Variants in KAT6B observed in about 807,000 individuals in gnomAD.
KAT6B encodes lysine acetyltransferase 6B.
KAT6B carries 10 observed loss-of-function variants against 187.5 expected under a neutral mutation model. The ratio of observed to expected loss-of-function variants is 0.05; its 90% CI spans 0.03 to 0.09. The LOEUF (loss-of-function observed/expected upper bound fraction) is 0.09. Ranked by LOEUF, KAT6B falls within the 10% of genes least tolerant of loss-of-function variation. The pLI, the probability that KAT6B is intolerant of heterozygous loss-of-function variation, is 1.00. For missense variants in KAT6B, 1,952 were observed against 2,558.9 expected (o/e 0.76, Z 5.12); for synonymous variants, 861 against 926.8 (o/e 0.93, Z 1.29).
rs542260542 is a variant in KAT6B, at chr10:74,947,770, C to T, written c.622-12200C>T. Among the ~76,000 whole-genome samples the T allele has an allele frequency of 1.4e-4, 21 of 152,280 alleles. No homozygotes were observed. The South Asian group carries it at 4.1e-3, about 30-fold the overall frequency. On this transcript the variant is annotated intron_variant, in intron 3 of 17. Transcript: ENST00000287239. Reference sequence around the variant, plus strand: ...GGAAATTAAGTTTAAAATCTTCACCCTCAGGGGAAGGCCTTGTCATGCCTG... The same window carrying T: ...GGAAATTAAGTTTAAAATCTTCACCTTCAGGGGAAGGCCTTGTCATGCCTG...
intron 3 of KAT6B, among the ~76,000 whole-genome samples, chr10:74,864,145 T>C (rs939988203): frequency 2.6e-5 from 4 of 152,176 alleles, no homozygotes; most frequent in East Asian, 3.9e-4. Context: ...CTCAGCCCAC[T>C]GCAACCTCCA....
chr10:74,941,174 C>T (rs1849643867), intron 3 of KAT6B, among the ~76,000 whole-genome samples: 1 of 152,168 alleles, frequency 6.6e-6, no homozygotes, highest in Non-Finnish European at 1.5e-5. Context: ...TGCACCCGCA[C>T]CCCCAGATCC....
intron 13 of KAT6B, among the ~76,000 whole-genome samples, chr10:74,993,670 G>A (rs1843249400): frequency 6.6e-6 from 1 of 152,106 alleles, no homozygotes; most frequent in Non-Finnish European, 1.5e-5. Flanking sequence ...TGTCCCTGGG[G>A]CCTCCTTTAA....
At chr10:74,884,296 A>C (rs549785012) in intron 3 of KAT6B, among the ~76,000 whole-genome samples, 1 of 152,348 alleles carries the variant, frequency 6.6e-6, no homozygotes, top group East Asian at 1.9e-4. Context: ...TATTAACCAG[A>C]AATTTTATCT....
In KAT6B at chr10:75,031,174, A is replaced by AT. The variant is rs963630673; in HGVS notation, c.*131dup. The AT allele has an allele frequency of 6.5e-5, 67 of 1,032,186 alleles. No homozygotes were observed. The African/African-American group carries it at 9.6e-4, about 15-fold the overall frequency. 63.9% of individuals were successfully genotyped at this position (1,032,186 alleles called of 1,614,324 possible). A position where few individuals can be genotyped will look rare whatever the true frequency, so the allele number is the denominator to read the frequency against. On this transcript the variant is annotated 3_prime_UTR_variant, in exon 18 of 18. Transcript: ENST00000287239. ...GCAAAAACATTTGTTGGCACCATTT[A>AT]TTTAAAAAAAAAAAAAGCTGTATGC...
chr10:74,894,298 T>C (rs1845841844), intron 3 of KAT6B, among the ~76,000 whole-genome samples: 1 of 152,166 alleles, frequency 6.6e-6, no homozygotes, highest in Admixed American at 6.5e-5. Context: ...ACCAGGCTGG[T>C]CTCGAACTCC....
At chr10:74,849,294 A>G (rs1010157340) in intron 3 of KAT6B, among the ~76,000 whole-genome samples, 4 of 131,094 alleles carry the variant, frequency 3.1e-5, no homozygotes, top group African/African-American at 1.6e-4. Flanking sequence ...TGGCCTAACT[A>G]ATGACTTTTT....
chr10:74,848,267 A>G (rs1842245064), intron 3 of KAT6B, among the ~76,000 whole-genome samples: 1 of 152,286 alleles, frequency 6.6e-6, no homozygotes, highest in East Asian at 1.9e-4. Flanking sequence ...TGTCCAACCC[A>G]TGGCCCATGG....
chr10:74,882,446 A>G (rs1366252918), intron 3 of KAT6B, among the ~76,000 whole-genome samples: 1 of 152,240 alleles, frequency 6.6e-6, no homozygotes, highest in Non-Finnish European at 1.5e-5. Context: ...GAAATGTGAC[A>G]TTTGGACATA....
At chr10:74,871,922 G>A (rs1844016453) in intron 3 of KAT6B, among the ~76,000 whole-genome samples, 1 of 152,106 alleles carries the variant, frequency 6.6e-6, no homozygotes. Flanking sequence ...TGTTTAATAA[G>A]GATAACAACC....
chr10:74,899,248 A>AATTATTATTATT (rs67324777), intron 3 of KAT6B, among the ~76,000 whole-genome samples: 1,817 of 142,298 alleles, frequency 0.013, 28 homozygotes, highest in Middle Eastern at 0.036. Context: ...ATTCTAAATG[A>AATTATTATTATT]ATTATTATTA....
intron 3 of KAT6B, among the ~76,000 whole-genome samples, chr10:74,949,462 C>CCACA (rs535312080): frequency 1.0e-3 from 159 of 152,246 alleles, no homozygotes; most frequent in African/African-American, 3.7e-3. Context: ...AAAACACACA[C>CCACA]CACACAAATG....
At chr10:74,850,127 A>T (rs958021051) in intron 3 of KAT6B, among the ~76,000 whole-genome samples, 3 of 151,968 alleles carry the variant, frequency 2.0e-5, no homozygotes, top group Non-Finnish European at 4.4e-5. Flanking sequence ...TTTAGTAGAG[A>T]CGGGGTTTCA....
intron 17 of KAT6B, among the ~76,000 whole-genome samples, chr10:75,028,241 T>C (rs1846023478): frequency 6.6e-6 from 1 of 152,192 alleles, no homozygotes; most frequent in African/African-American, 2.4e-5. Flanking sequence ...TAAATTCAAA[T>C]AAGCACATTA....
At chr10:74,977,569 C>A in intron 9 of KAT6B, 132 bp downstream of exon 9, 1 of 1,130,808 alleles carries the variant, frequency 8.8e-7, no homozygotes, top group Non-Finnish European at 1.3e-6. Context: ...GTTATCATGC[C>A]CATTTCTACT....
intron 2 of KAT6B, among the ~76,000 whole-genome samples, chr10:74,840,581 T>C (rs961831776): frequency 2.6e-5 from 4 of 152,172 alleles, no homozygotes; most frequent in African/African-American, 9.7e-5. Context: ...AGTGACAAAT[T>C]ATCAATCACT....
intron 3 of KAT6B, among the ~76,000 whole-genome samples, chr10:74,863,664 A>G (rs557029029): frequency 6.6e-6 from 1 of 152,330 alleles, no homozygotes; most frequent in East Asian, 1.9e-4. Flanking sequence ...ATGGATCCTT[A>G]GGAGTTACTT....
intron 12 of KAT6B, 119 bp from the exon 13 acceptor site, chr10:74,988,900 T>C: frequency 1.3e-6 from 1 of 784,228 alleles, no homozygotes; most frequent in Non-Finnish European, 2.3e-6. Flanking sequence ...TTCTGCTTGA[T>C]CCTGACCTAA....
chr10:74,915,821 C>T (rs201347918), intron 3 of KAT6B, among the ~76,000 whole-genome samples: 2 of 152,246 alleles, frequency 1.3e-5, no homozygotes, highest in East Asian at 3.9e-4. Context: ...TATTGATGCC[C>T]TGGAGATGAT....
Sources: gnomAD v4.1 joint callset for allele counts (sites outside exome capture counted in the v4.1 genomes callset) on GRCh38, gnomAD v4.1.1 for gene constraint, MANE v1.5 for transcripts, NCBI Gene and HGNC (gene_info 2026-07-23, HGNC 2026-07-21) for gene names.